The following DYTN variants were observed in gnomAD, a reference collection of about 807,000 sequenced individuals.
DYTN encodes the protein dystrotelin.
Under a neutral mutation model 69.6 loss-of-function variants are expected in DYTN, and 75 were observed. That is an observed-to-expected ratio of 1.08 (90% confidence interval 0.89 to 1.31). DYTN has a LOEUF of 1.31. Among genes scored for constraint, DYTN ranks in the 50% most tolerant of loss-of-function variants. The pLI is 0.00. For synonymous variants in DYTN, 252 were observed against 249.1 expected, an observed-to-expected ratio of 1.01 and a Z score of -0.11; for missense variants, 726 against 688.4, an observed-to-expected ratio of 1.05 and a Z score of -0.61.
At chr2:206,666,860 TACACACACACAC>T (rs35200393) in intron 9 of DYTN, among the ~76,000 whole-genome samples, 26 of 137,554 alleles carry the variant, frequency 1.9e-4, no homozygotes, top group African/African-American at 6.7e-4. Context: ...ACCTCATCTC[TACACACACACAC>T]ACACACACAC....
In DYTN at chr2:206,700,133, C is replaced by A. The variant is rs771811629; in HGVS notation, c.555+12G>T. Reference sequence around the variant, plus strand: ...CTGTCCCCAACTCCAGGGACATTTGCAAGGCACTCACCCCTTGGAAACAGC... The same window carrying A: ...CTGTCCCCAACTCCAGGGACATTTGAAAGGCACTCACCCCTTGGAAACAGC... On this transcript the variant is annotated intron_variant, in intron 6 of 11. Coordinates refer to ENST00000452335, the MANE Select transcript of DYTN (RefSeq NM_001093730.1). 20 of 1,613,702 alleles carry A rather than the reference C, an allele frequency of 1.2e-5. No homozygotes were observed. Among genetic ancestry groups the A allele is most frequent in the Non-Finnish European group, 1.6e-5 (19 of 1,179,746 alleles).
intron 9 of DYTN, among the ~76,000 whole-genome samples, chr2:206,677,692 G>A (rs1323242944): frequency 6.6e-6 from 1 of 152,046 alleles, no homozygotes; most frequent in Non-Finnish European, 1.5e-5. Flanking sequence ...AAAAGAAAGA[G>A]ACTGATAATG....
At chr2:206,700,809 C>A (rs1024824449) in intron 5 of DYTN, among the ~76,000 whole-genome samples, 3 of 152,008 alleles carry the variant, frequency 2.0e-5, no homozygotes, top group African/African-American at 4.8e-5. Context: ...CCCCTCCCTG[C>A]GTCCATGTGT....
chr2:206,698,537 G>A (rs985969174), intron 7 of DYTN, among the ~76,000 whole-genome samples: 2 of 152,126 alleles, frequency 1.3e-5, no homozygotes, highest in African/African-American at 4.8e-5. Context: ...CAGAGCTTTA[G>A]TCTTCCCACA....
At chr2:206,709,046 TG>T (rs141663138) in intron 2 of DYTN, among the ~76,000 whole-genome samples, 5,161 of 152,320 alleles carry the variant, frequency 0.034, 288 homozygotes, top group African/African-American at 0.12. Context: ...TGTTTGTTCC[TG>T]GAATAATAAA....
chr2:206,690,976 A>G (rs1471648904), intron 9 of DYTN, among the ~76,000 whole-genome samples: 1 of 152,190 alleles, frequency 6.6e-6, no homozygotes, highest in Non-Finnish European at 1.5e-5. Context: ...TTTAGCCTAA[A>G]AACGATGGGA....
chr2:206,712,258 C>CG (rs994397312), intron 1 of DYTN, among the ~76,000 whole-genome samples: 1 of 152,058 alleles, frequency 6.6e-6, no homozygotes, highest in Non-Finnish European at 1.5e-5. Flanking sequence ...TAGCAGGCCC[C>CG]GGGGGTAAAT....
chr2:206,713,436 A>AGAGG (rs770729621), intron 1 of DYTN, among the ~76,000 whole-genome samples: 3 of 152,266 alleles, frequency 2.0e-5, no homozygotes, highest in Non-Finnish European at 2.9e-5. Flanking sequence ...TGTGGTAGAG[A>AGAGG]GAGGGAGGAA....
chr2:206,665,786 G>A, intron 10 of DYTN, 84 bp downstream of exon 10: 1 of 1,505,586 alleles, frequency 6.6e-7, no homozygotes, highest in Non-Finnish European at 9.0e-7. Flanking sequence ...ATCAAAGTAA[G>A]GTGGGAAGCT....
chr2:206,700,225 G>A lies in DYTN; in HGVS notation c.484-9C>T, dbSNP rs191225575. On this transcript the variant is annotated splice_polypyrimidine_tract_variant and intron_variant, in intron 5 of 11. Transcript: ENST00000452335. ...CCCACGAAAGTTGGGATCTGCAAGAGACAACCTCATCTTAGCTGTTAGAAA... is the reference window on the plus strand; with the variant it reads ...CCCACGAAAGTTGGGATCTGCAAGAAACAACCTCATCTTAGCTGTTAGAAA... The A allele has an allele frequency of 1.0e-4, 162 of 1,613,806 alleles. No individual in the cohort carries two copies. Among genetic ancestry groups the A allele is most frequent in the Admixed American group, 2.0e-4 (12 of 60,014 alleles).
At chr2:206,659,846 A>T (rs557920450) in intron 11 of DYTN, among the ~76,000 whole-genome samples, 1 of 152,210 alleles carries the variant, frequency 6.6e-6, no homozygotes, top group Admixed American at 6.5e-5. Context: ...AACGGTAGCC[A>T]TGAAGATTAA....
chr2:206,706,816 G>A (rs1458795199), intron 3 of DYTN, among the ~76,000 whole-genome samples: 1 of 151,148 alleles, frequency 6.6e-6, no homozygotes, highest in Non-Finnish European at 1.5e-5. Flanking sequence ...TGACTTCAGA[G>A]CATATGCAAT....
chr2:206,709,306 G>A (rs1020238963), intron 2 of DYTN, among the ~76,000 whole-genome samples: 5 of 152,032 alleles, frequency 3.3e-5, no homozygotes, highest in South Asian at 2.1e-4. Flanking sequence ...AAAATTGGCA[G>A]GGTGTGGTGG....
chr2:206,712,975 G>A (rs572154317), intron 1 of DYTN, among the ~76,000 whole-genome samples: 18 of 152,318 alleles, frequency 1.2e-4, no homozygotes, highest in Admixed American at 5.2e-4. Context: ...CTCTTGTCAG[G>A]CTGTGTAGCT....
chr2:206,669,199 C>T (rs1699605395), intron 9 of DYTN, among the ~76,000 whole-genome samples: 1 of 152,136 alleles, frequency 6.6e-6, no homozygotes, highest in Non-Finnish European at 1.5e-5. Flanking sequence ...TATCAGTGAA[C>T]TTGCAGTTAA....
At chr2:206,678,545 C>T (rs544721482) in intron 9 of DYTN, among the ~76,000 whole-genome samples, 1 of 151,994 alleles carries the variant, frequency 6.6e-6, no homozygotes, top group African/African-American at 2.4e-5. Flanking sequence ...AGAAATAATC[C>T]AAATATCAAC....
At position 206,693,179 on chromosome 2, in the gene DYTN, C is replaced by T; in HGVS notation, c.976G>A (p.Ala326Thr). 6.2e-7 allele frequency: 1 copy of T among 1,609,162 alleles called. No individual in the cohort carries two copies. The highest frequency in any genetic ancestry group is 8.5e-7 in the Non-Finnish European group (1 of 1,178,494). Residue 326 changes from alanine to threonine, a missense_variant, in exon 9 of 12, where the codon GCC becomes ACC. Coordinates refer to ENST00000452335, the MANE Select transcript of DYTN (RefSeq NM_001093730.1). ...NPKGVPHHAQ[A>T]RLLKKQLNQY... ...CCAATCCTCGCAGCCACTCACCTGG[C>T]CTGCGCATGGTGAGGCACACCCTTT...
intron 1 of DYTN, among the ~76,000 whole-genome samples, chr2:206,716,626 G>A (rs1356196705): frequency 6.6e-6 from 1 of 151,916 alleles, no homozygotes; most frequent in Non-Finnish European, 1.5e-5. Context: ...AATGGGAGAT[G>A]TCAGAAACTC....
intron 10 of DYTN, 70 bp from the exon 11 acceptor site, chr2:206,663,465 T>G: frequency 6.9e-7 from 1 of 1,447,810 alleles, no homozygotes; most frequent in East Asian, 2.5e-5. Flanking sequence ...GCATTACATT[T>G]CAACATTCCA....
Sources: gnomAD v4.1 joint callset for allele counts (sites outside exome capture counted in the v4.1 genomes callset) on GRCh38, gnomAD v4.1.1 for gene constraint, MANE v1.5 for transcripts, NCBI Gene and HGNC (gene_info 2026-07-23, HGNC 2026-07-21) for gene names.